Variants in ANKRD28 observed in about 807,000 individuals in gnomAD.
The protein encoded by ANKRD28 is serine/threonine-protein phosphatase 6 regulatory ankyrin repeat subunit A.
In ANKRD28, 44 loss-of-function variants were observed where a neutral mutation model predicts 126.5. The observed-to-expected ratio is 0.35, with a 90% CI of 0.27 to 0.45. The LOEUF is 0.45. Among genes scored for constraint, ANKRD28 ranks in the 20% least tolerant of loss-of-function variants. ANKRD28 has a pLI of 1.00. For synonymous variants in ANKRD28, 442 were observed against 468.5 expected (o/e 0.94, Z 0.73); for missense variants, 1,110 against 1,316.6 (o/e 0.84, Z 2.43).
chr3:15,821,293 A>G (rs1488120058), intron 1 of ANKRD28, among the ~76,000 whole-genome samples: 2 of 152,212 alleles, frequency 1.3e-5, no homozygotes, highest in Non-Finnish European at 1.5e-5. Context: ...GGCAAAAACA[A>G]CTTCAATAAA....
chr3:15,765,850 A>C (rs1317092235), intron 3 of ANKRD28, among the ~76,000 whole-genome samples: 16 of 35,588 alleles, frequency 4.5e-4, no homozygotes, highest in Non-Finnish European at 1.4e-3. Context: ...CAAAAACCAA[A>C]AAAAAAAAAA....
In ANKRD28 at chr3:15,817,093, A is replaced by G. The variant is rs1256435118; in HGVS notation, c.28-21787T>C. On this transcript the variant is annotated intron_variant, in intron 1 of 27. Transcript: ENST00000399451. This position sits in a 1 kb window ranked among gnomAD's most constrained non-coding sequence, Gnocchi z 4.5. The stretch of plus-strand genomic sequence containing the variant: ...AAAAGCACACATCTGAATACTGTAA[A>G]GGCCCAGTCTTCCACAGAGTGAGCA... Among the ~76,000 whole-genome samples the G allele has an allele frequency of 6.6e-6, 1 of 152,144 alleles. No homozygotes were observed. The highest frequency in any genetic ancestry group is 2.4e-5 in the African/African-American group (1 of 41,448).
chr3:15,798,228 G>C (rs935246200), upstream of ANKRD28: 4 of 913,530 alleles, frequency 4.4e-6, no homozygotes, highest in South Asian at 1.0e-4. Context: ...AACTGCTTTC[G>C]TGTGTTACAA....
rs546849859 is a variant in ANKRD28, at chr3:15,776,806, A to G, written c.202-10494T>C. 4.6e-5 allele frequency among the ~76,000 whole-genome samples: 7 copies of G among 152,370 alleles called. No individual in the cohort carries two copies. The South Asian group carries it at 1.4e-3, about 32-fold the overall frequency. On this transcript the variant is annotated intron_variant, in intron 2 of 27. Coordinates refer to ENST00000683139, the MANE Select transcript of ANKRD28 (RefSeq NM_001349278.2). ...AAGGAGGAGGAAAAAGTTGGTTATG[A>G]AAGTGTAACCATTCTTCCAAAATAT...
Position 15,743,545 on chromosome 3 carries a change from A to AACACACAC in ANKRD28, c.352-6320_352-6313dup, listed in dbSNP as rs4036221. The stretch of plus-strand genomic sequence containing the variant: ...CTCCAGCAGTGCAGTGTGGCTTTTT[A>AACACACAC]ACACACACACACACACACACACACA... On this transcript the variant is annotated intron_variant, in intron 4 of 27. Coordinates refer to ENST00000683139, the MANE Select transcript of ANKRD28 (RefSeq NM_001349278.2). Among the ~76,000 whole-genome samples, 1,062 of 140,460 alleles carry AACACACAC rather than the reference A, an allele frequency of 7.6e-3. 11 individuals are homozygous for AACACACAC. The highest frequency in any genetic ancestry group is 9.9e-3 in the Non-Finnish European group (643 of 64,636). The allele number at this position is 140,460 out of a possible 152,430, so 92.1% of individuals were successfully genotyped here. A position where few individuals can be genotyped will look rare whatever the true frequency, so the allele number is the denominator to read the frequency against.
At chr3:15,776,431 C>G (rs921907250) in intron 2 of ANKRD28, among the ~76,000 whole-genome samples, 4 of 152,152 alleles carry the variant, frequency 2.6e-5, no homozygotes, top group African/African-American at 9.7e-5. Context: ...GGAATCAGGT[C>G]AATTTTTAAA....
chr3:15,744,374 C>T (rs1353793639), intron 4 of ANKRD28, among the ~76,000 whole-genome samples: 4 of 151,868 alleles, frequency 2.6e-5, no homozygotes, highest in African/African-American at 4.8e-5. Context: ...AGCGCAATGG[C>T]GCGATCTTGG....
In ANKRD28 at chr3:15,833,329, T is replaced by A. The variant is rs1288403759; in HGVS notation, c.27+26048A>T. ...AGCCTCCCATCCTACATCTTTCTCC[T>A]GTGCTGGATACTTCCTGCCCTCAAG... On this transcript the variant is annotated intron_variant, in intron 1 of 27. Coordinates refer to the ANKRD28 transcript ENST00000399451. This position sits in a 1 kb window ranked among gnomAD's most constrained non-coding sequence, Gnocchi z 4.4. Among the ~76,000 whole-genome samples the A allele has an allele frequency of 6.6e-6, 1 of 152,094 alleles. No individual in the cohort carries two copies. Among genetic ancestry groups the A allele is most frequent in the Non-Finnish European group, 1.5e-5 (1 of 68,028 alleles).
chr3:15,752,352 C>G (rs978879133), intron 3 of ANKRD28, among the ~76,000 whole-genome samples: 1 of 151,954 alleles, frequency 6.6e-6, no homozygotes, highest in African/African-American at 2.4e-5. Context: ...AGAAATGAAC[C>G]AACTCATGTC....
chr3:15,705,136 T>C (rs2071181097), intron 14 of ANKRD28, among the ~76,000 whole-genome samples: 1 of 152,228 alleles, frequency 6.6e-6, no homozygotes, highest in Non-Finnish European at 1.5e-5. Flanking sequence ...TCAGGCTGTT[T>C]AGTGTACATA....
intron 4 of ANKRD28, among the ~76,000 whole-genome samples, chr3:15,749,838 G>A (rs2057751706): frequency 6.6e-6 from 1 of 152,204 alleles, no homozygotes; most frequent in South Asian, 2.1e-4. Context: ...AAAGAGTCCT[G>A]TGATGTGATC....
intron 1 of ANKRD28, among the ~76,000 whole-genome samples, chr3:15,850,258 G>GAGAGAGAGAA (rs1384999941): frequency 0.012 from 1,458 of 126,756 alleles, 73 homozygotes; most frequent in East Asian, 0.097. Flanking sequence ...GAGAGAGAGA[G>GAGAGAGAGAA]AGAGAAAGTT....
intron 17 of ANKRD28, among the ~76,000 whole-genome samples, chr3:15,691,209 G>A (rs527358592): frequency 1.3e-5 from 2 of 150,158 alleles, no homozygotes; most frequent in South Asian, 2.1e-4. Flanking sequence ...TGCAACCTCC[G>A]CCTCCCTGGG....
intron 14 of ANKRD28, among the ~76,000 whole-genome samples, chr3:15,698,387 T>A (rs974513203): frequency 2.0e-5 from 3 of 152,108 alleles, no homozygotes; most frequent in African/African-American, 7.2e-5. Flanking sequence ...AAGTTCTGGC[T>A]AGGGCAATCA....
At chr3:15,824,382 C>T (rs1052821419) in intron 1 of ANKRD28, among the ~76,000 whole-genome samples, 1 of 152,156 alleles carries the variant, frequency 6.6e-6, no homozygotes, top group Non-Finnish European at 1.5e-5. Context: ...TCTTGAACTC[C>T]TGAGCTTAAG....
chr3:15,778,107 T>C (rs2059382136), intron 2 of ANKRD28, among the ~76,000 whole-genome samples: 1 of 152,130 alleles, frequency 6.6e-6, no homozygotes, highest in African/African-American at 2.4e-5. Context: ...CAGCTGGTAT[T>C]ACATCAGCCT....
At chr3:15,684,164 G>C (rs1027891646) in intron 21 of ANKRD28, 26 of 152,188 alleles carry the variant, frequency 1.7e-4, no homozygotes, top group African/African-American at 6.0e-4. Context: ...ATGTACTTGA[G>C]TTTTCTAAGA....
At chr3:15,790,684 C>A (rs1316177727) in intron 2 of ANKRD28, among the ~76,000 whole-genome samples, 5 of 152,032 alleles carry the variant, frequency 3.3e-5, no homozygotes, top group East Asian at 1.9e-4. Context: ...CAGCTAGTAT[C>A]ATGCTGAATG....
intron 8 of ANKRD28, among the ~76,000 whole-genome samples, chr3:15,716,180 C>T (rs1051421418): frequency 2.0e-5 from 3 of 151,618 alleles, no homozygotes; most frequent in African/African-American, 7.3e-5. Context: ...TGGGGTTTCA[C>T]CATGTTGGCC....
Sources: gnomAD v4.1 joint callset for allele counts (sites outside exome capture counted in the v4.1 genomes callset) on GRCh38, gnomAD v4.1.1 for gene constraint, Gnocchi (gnomAD v3.1) non-coding constraint, MANE v1.5 for transcripts, NCBI Gene and HGNC (gene_info 2026-07-23, HGNC 2026-07-21) for gene names.